Variants in GUCY1A2 observed in about 807,000 individuals in gnomAD.
GUCY1A2 encodes the protein guanylate cyclase 1 soluble subunit alpha 2.
GUCY1A2 carries 27 observed loss-of-function variants against 63.5 expected under a neutral mutation model. The ratio of observed to expected loss-of-function variants is 0.43; its 90% confidence interval spans 0.31 to 0.59. The LOEUF (loss-of-function observed/expected upper bound fraction) is 0.59, where lower values mean the gene tolerates loss of function less well. Among genes scored for constraint, GUCY1A2 ranks in the 20% least tolerant of loss-of-function variants. The pLI, the probability that GUCY1A2 is intolerant of heterozygous loss-of-function variation, is 0.11. For synonymous variants in GUCY1A2, 364 were observed against 343.5 expected (o/e 1.06, Z -0.66); for missense variants, 768 against 913.3 (o/e 0.84, Z 2.05).
intron 4 of GUCY1A2, among the ~76,000 whole-genome samples, chr11:106,855,898 T>TTTTTTTA (rs370789014): frequency 4.5e-4 from 26 of 57,650 alleles, no homozygotes; most frequent in African/African-American, 1.4e-3. Context: ...TTGTATTTTA[T>TTTTTTTA]TTATTTATTT....
At chr11:106,725,152 CTTTTTTTTTTTTTTTTTTTTTTT>C (rs773251118) in intron 6 of GUCY1A2, among the ~76,000 whole-genome samples, 4 of 22,988 alleles carry the variant, frequency 1.7e-4, no homozygotes, top group East Asian at 1.5e-3. Flanking sequence ...GACATAAATT[CTTTTTTTTTTTTTTTTTTTTTTT>C]TTTTTTTTTT....
At chr11:106,907,491 G>A (rs1316858853) in intron 4 of GUCY1A2, among the ~76,000 whole-genome samples, 1 of 151,918 alleles carries the variant, frequency 6.6e-6, no homozygotes, top group Non-Finnish European at 1.5e-5. Flanking sequence ...TGCCATGCTG[G>A]TGTGCTGCAC....
rs10560155 is a variant in GUCY1A2 at position 106,794,497 on chromosome 11, T to TAC, written c.1692+15494_1692+15495dup. The stretch of plus-strand genomic sequence containing the variant: ...GAGAGTAGATATTAAATGTCCTCAC[T>TAC]ACACACACACACACACACACAGAAA... On this transcript the variant is annotated intron_variant, in intron 5 of 7. Transcript: ENST00000526355. 7.4e-3 allele frequency among the ~76,000 whole-genome samples: 1,113 copies of TAC among 150,230 alleles called. 10 individuals are homozygous for TAC. The highest frequency in any genetic ancestry group is 0.025 in the African/African-American group (1,040 of 41,038).
chr11:106,939,371 A>G (rs937260208), intron 4 of GUCY1A2, 89 bp downstream of exon 4: 16 of 723,780 alleles, frequency 2.2e-5, no homozygotes, highest in African/African-American at 3.5e-5. Flanking sequence ...TCTTGCCTAA[A>G]TAATTACAAG....
chr11:106,703,994 A>G (rs631214), intron 7 of GUCY1A2, among the ~76,000 whole-genome samples: 87,107 of 151,856 alleles, frequency 0.57, 27,483 homozygotes, highest in African/African-American at 0.85. Flanking sequence ...ATTTTTAATC[A>G]TATGACTATG....
Position 106,677,033 on chromosome 11 carries a change from G to C in GUCY1A2, c.*10516C>G, listed in dbSNP as rs150292668. 6 of 213,636 alleles carry C rather than the reference G, an allele frequency of 2.8e-5. No homozygotes were observed. The highest frequency in any genetic ancestry group is 5.7e-5 in the Non-Finnish European group (6 of 105,520). 13.2% of individuals were successfully genotyped at this position (213,636 alleles called of 1,614,324 possible). The stretch of plus-strand genomic sequence containing the variant: ...CTATCCTCAACTGATCTGCATCTAC[G>C]TGCTCATCTTCTTTCCCCTTTTCTC... On this transcript the variant is annotated 3_prime_UTR_variant, in exon 8 of 8. Transcript: ENST00000526355.
intron 5 of GUCY1A2, among the ~76,000 whole-genome samples, chr11:106,792,252 G>A (rs1233173930): frequency 6.6e-6 from 1 of 152,088 alleles, no homozygotes; most frequent in Non-Finnish European, 1.5e-5. Flanking sequence ...CAGGCTCAGT[G>A]GTGGGTGCCT....
At chr11:106,768,834 T>C (rs1321496259) in intron 6 of GUCY1A2, among the ~76,000 whole-genome samples, 1 of 152,126 alleles carries the variant, frequency 6.6e-6, no homozygotes, top group Non-Finnish European at 1.5e-5. Context: ...GCAGCATTTT[T>C]GACAGCCAGG....
At chr11:106,851,774 G>C (rs1004875902) in intron 4 of GUCY1A2, among the ~76,000 whole-genome samples, 1 of 151,758 alleles carries the variant, frequency 6.6e-6, no homozygotes, top group South Asian at 2.1e-4. Context: ...ATCACACCAC[G>C]CCAGGTGGTG....
At chr11:106,711,117 A>G (rs1394918783) in intron 6 of GUCY1A2, among the ~76,000 whole-genome samples, 2 of 152,202 alleles carry the variant, frequency 1.3e-5, no homozygotes, top group African/African-American at 4.8e-5. Context: ...AAGTTACAGT[A>G]TTTGCCCTAC....
At chr11:106,937,700 T>TG (rs1860698163) in intron 4 of GUCY1A2, among the ~76,000 whole-genome samples, 1 of 152,180 alleles carries the variant, frequency 6.6e-6, no homozygotes, top group African/African-American at 2.4e-5. Context: ...GACTTCAAAA[T>TG]GGGTAGCAAT....
chr11:107,013,587 C>A (rs1301869162), intron 1 of GUCY1A2, among the ~76,000 whole-genome samples: 1 of 151,950 alleles, frequency 6.6e-6, no homozygotes, highest in Non-Finnish European at 1.5e-5. Context: ...TCGCTGTCAC[C>A]CAGGGTCTGG....
intron 6 of GUCY1A2, among the ~76,000 whole-genome samples, chr11:106,737,861 A>C (rs11211887): frequency 0.62 from 94,653 of 151,946 alleles, 29,841 homozygotes; most frequent in East Asian, 0.86. Context: ...ATAAACATAC[A>C]TGTGCATGTG....
At chr11:106,705,735 C>T (rs1862897520) in intron 7 of GUCY1A2, among the ~76,000 whole-genome samples, 1 of 152,072 alleles carries the variant, frequency 6.6e-6, no homozygotes, top group South Asian at 2.1e-4. Flanking sequence ...TGGCACGCAC[C>T]TGTAGTCCCA....
chr11:106,688,711 A>C (rs1233691392), intron 7 of GUCY1A2, among the ~76,000 whole-genome samples: 1 of 152,342 alleles, frequency 6.6e-6, no homozygotes, highest in African/African-American at 2.4e-5. Flanking sequence ...AAAAGTAGAC[A>C]CGAAAATTGC....
chr11:106,935,233 T>C (rs1860659814), intron 4 of GUCY1A2, among the ~76,000 whole-genome samples: 1 of 152,140 alleles, frequency 6.6e-6, no homozygotes, highest in South Asian at 2.1e-4. Context: ...CTTTCATCTA[T>C]AAGGCAGTAA....
intron 4 of GUCY1A2, among the ~76,000 whole-genome samples, chr11:106,848,995 C>G (rs1451970762): frequency 1.3e-5 from 2 of 151,516 alleles, no homozygotes; most frequent in African/African-American, 4.8e-5. Context: ...ACAGAGCTAC[C>G]ATTTTCTGTA....
chr11:106,836,918 T>A (rs2087220), intron 4 of GUCY1A2, among the ~76,000 whole-genome samples: 1 of 151,770 alleles, frequency 6.6e-6, no homozygotes, highest in Non-Finnish European at 1.5e-5. Context: ...AGTTTTTTTA[T>A]AAATTTCAAC....
chr11:106,815,364 T>A (rs1049176395), intron 4 of GUCY1A2, among the ~76,000 whole-genome samples: 75 of 152,100 alleles, frequency 4.9e-4, no homozygotes, highest in African/African-American at 1.3e-3. Context: ...AGTATTTGAA[T>A]AAACTATAGA....
Sources: allele counts gnomAD v4.1 joint callset (sites outside exome capture counted in the v4.1 genomes callset), GRCh38; gene constraint gnomAD v4.1.1; transcripts MANE v1.5; gene names NCBI Gene and HGNC (gene_info 2026-07-23, HGNC 2026-07-21).